The following FAM193A variants were observed in gnomAD, a reference collection of about 807,000 sequenced individuals.
The protein encoded by FAM193A is protein FAM193A.
A neutral mutation model predicts 126.5 loss-of-function variants in FAM193A; 22 were observed. The ratio of observed to expected loss-of-function variants is 0.17; its 90% CI spans 0.12 to 0.25. The LOEUF (loss-of-function observed/expected upper bound fraction) is 0.25, where lower values mean the gene tolerates loss of function less well. Ranked by LOEUF, FAM193A falls within the 10% of genes least tolerant of loss-of-function variation. The probability of loss-of-function intolerance (pLI) is 1.00; values close to 1 mark genes in which losing one functional copy is unlikely to be tolerated. For missense variants in FAM193A, 1,675 were observed against 1,672.8 expected (o/e 1.00, Z -0.02); for synonymous variants, 761 against 646.8 (o/e 1.18, Z -2.68).
intron 2 of FAM193A, chr4:2,607,731 C>T (rs1217165262): frequency 8.3e-6 from 3 of 359,480 alleles, no homozygotes; most frequent in East Asian, 5.5e-5. Context: ...ACCCTCGCTG[C>T]GGCTCTAGGC....
chr4:2,721,841 G>A (rs1267517498), intron 20 of FAM193A, among the ~76,000 whole-genome samples: 2 of 152,196 alleles, frequency 1.3e-5, no homozygotes, highest in Non-Finnish European at 2.9e-5. Flanking sequence ...CGGGGCAAAC[G>A]TGAGGCAAGC....
intron 9 of FAM193A, 47 bp downstream of exon 9, chr4:2,659,717 A>G: frequency 1.9e-6 from 3 of 1,612,056 alleles, no homozygotes; most frequent in South Asian, 1.1e-5. Context: ...TTGGACCTTC[A>G]CTGGGCTGAG....
intron 1 of FAM193A, among the ~76,000 whole-genome samples, chr4:2,568,191 A>T (rs1739081808): frequency 6.6e-6 from 1 of 152,190 alleles, no homozygotes; most frequent in Non-Finnish European, 1.5e-5. Context: ...GGATATTTTA[A>T]AAAATATGAT....
intron 5 of FAM193A, among the ~76,000 whole-genome samples, chr4:2,635,351 T>C (rs1743984841): frequency 6.6e-6 from 1 of 152,180 alleles, no homozygotes; most frequent in Non-Finnish European, 1.5e-5. Flanking sequence ...AGTGTGCTTT[T>C]TTATGCAGAC....
Position 2,639,875 on chromosome 4 carries a change from C to A in FAM193A, c.1163+16C>A. On this transcript the variant is annotated intron_variant, in intron 6 of 20. Transcript: ENST00000637812. ...CACAGATCAGGTATTTTGCCTTAAC[C>A]CGTATGTGTCTTTGTGGTGTGACAG... is the stretch of plus-strand genomic sequence containing the variant. 4 of 1,610,740 alleles carry A rather than the reference C, an allele frequency of 2.5e-6. No individual in the cohort carries two copies. Among genetic ancestry groups the A allele is most frequent in the Non-Finnish European group, 3.4e-6 (4 of 1,177,926 alleles).
chr4:2,611,092 G>A (rs1741843452), intron 2 of FAM193A, among the ~76,000 whole-genome samples: 1 of 152,082 alleles, frequency 6.6e-6, no homozygotes, highest in Non-Finnish European at 1.5e-5. Context: ...ACACCTGGGA[G>A]TGGAATTGCT....
At chr4:2,573,058 C>G (rs1739383564) in intron 1 of FAM193A, among the ~76,000 whole-genome samples, 1 of 152,094 alleles carries the variant, frequency 6.6e-6, no homozygotes, top group African/African-American at 2.4e-5. Context: ...GGGTCTCATG[C>G]TCTTGAGTTC....
intron 19 of FAM193A, among the ~76,000 whole-genome samples, chr4:2,707,251 G>T (rs1250783729): frequency 2.6e-5 from 4 of 151,990 alleles, no homozygotes; most frequent in African/African-American, 7.2e-5. Context: ...TTTTCCATTT[G>T]TTCAAGTTTA....
At chr4:2,632,069 G>A (rs1167320773) in intron 5 of FAM193A, among the ~76,000 whole-genome samples, 1 of 152,068 alleles carries the variant, frequency 6.6e-6, no homozygotes, top group Non-Finnish European at 1.5e-5. Context: ...AGTTTGAGGG[G>A]CCACATCTGG....
intron 5 of FAM193A, among the ~76,000 whole-genome samples, chr4:2,635,708 T>C (rs887397406): frequency 6.6e-6 from 1 of 152,140 alleles, no homozygotes; most frequent in African/African-American, 2.4e-5. Flanking sequence ...AATTTTTTTG[T>C]ATTTCTTTTA....
At chr4:2,574,785 AAAG>A (rs1251086393) in intron 1 of FAM193A, among the ~76,000 whole-genome samples, 2 of 152,242 alleles carry the variant, frequency 1.3e-5, no homozygotes, top group African/African-American at 2.4e-5. Context: ...AATTAATTAA[AAAG>A]AAACATTTAA....
At chr4:2,706,294 T>C (rs1718298789) in intron 19 of FAM193A, among the ~76,000 whole-genome samples, 2 of 106,532 alleles carry the variant, frequency 1.9e-5, no homozygotes, top group African/African-American at 6.4e-5. Flanking sequence ...TTTCTTTCTT[T>C]TTTTTTTTTT....
intron 8 of FAM193A, 67 bp downstream of exon 8, chr4:2,657,947 C>A: frequency 9.1e-7 from 1 of 1,097,142 alleles, no homozygotes; most frequent in South Asian, 1.3e-5. Context: ...AATGACTTCT[C>A]TGCATGTTGA....
chr4:2,538,092 T>C (rs1374945394), intron 1 of FAM193A, among the ~76,000 whole-genome samples: 1 of 152,216 alleles, frequency 6.6e-6, no homozygotes, highest in East Asian at 1.9e-4. Flanking sequence ...TGCGTTCTTA[T>C]AATGTTATTT....
chr4:2,652,137 T>A (rs1406218182), intron 7 of FAM193A, among the ~76,000 whole-genome samples: 2 of 152,100 alleles, frequency 1.3e-5, no homozygotes, highest in Non-Finnish European at 2.9e-5. Context: ...ATTTGCAGAG[T>A]ACCCTTCATG....
chr4:2,545,198 G>A (rs1737472512), intron 1 of FAM193A, among the ~76,000 whole-genome samples: 1 of 152,144 alleles, frequency 6.6e-6, no homozygotes, highest in African/African-American at 2.4e-5. Flanking sequence ...TCACCATGTT[G>A]GCCAGGCTGG....
At chr4:2,637,791 A>G (rs1486778749) in intron 5 of FAM193A, among the ~76,000 whole-genome samples, 1 of 152,188 alleles carries the variant, frequency 6.6e-6, no homozygotes, top group Non-Finnish European at 1.5e-5. Context: ...CCAGGTTCAC[A>G]GGGAACTTAC....
At chr4:2,546,603 G>C (rs371204196) in intron 1 of FAM193A, among the ~76,000 whole-genome samples, 2 of 152,138 alleles carry the variant, frequency 1.3e-5, no homozygotes, top group African/African-American at 4.8e-5. Flanking sequence ...TGTATCAGTA[G>C]CTTGTTCTTT....
chr4:2,559,546 T>G (rs1316124975), intron 1 of FAM193A, among the ~76,000 whole-genome samples: 2 of 152,222 alleles, frequency 1.3e-5, no homozygotes, highest in Admixed American at 6.5e-5. Flanking sequence ...TCCTCCCACC[T>G]TGGTCTCCCA....
Sources: allele counts gnomAD v4.1 joint callset (sites outside exome capture counted in the v4.1 genomes callset), GRCh38; gene constraint gnomAD v4.1.1; transcripts MANE v1.5; gene names NCBI Gene and HGNC (gene_info 2026-07-23, HGNC 2026-07-21).